The following WWOX variants were observed in gnomAD, a reference collection of about 807,000 sequenced individuals.
WWOX encodes the protein WW domain-containing oxidoreductase.
In WWOX, 69 loss-of-function variants were observed where a neutral mutation model predicts 46.2. The observed-to-expected ratio is 1.49, with a 90% CI of 1.23 to 1.82. The LOEUF is 1.82. Among genes scored for constraint, WWOX ranks in the 40% most tolerant of loss-of-function variants. WWOX has a pLI of 0.00. For synonymous variants in WWOX, 359 were observed against 202.6 expected, an observed-to-expected ratio of 1.77 and a Z score of -6.56; for missense variants, 919 against 542.6, an observed-to-expected ratio of 1.69 and a Z score of -6.89.
intron 5 of WWOX, among the ~76,000 whole-genome samples, chr16:78,356,567 C>T (rs1466059516): frequency 1.3e-5 from 2 of 152,072 alleles, no homozygotes; most frequent in African/African-American, 2.4e-5. Flanking sequence ...GAGAGGTGCA[C>T]TTTGAAAGAC....
intron 8 of WWOX, among the ~76,000 whole-genome samples, chr16:79,005,645 A>C (rs1170327442): frequency 1.3e-5 from 2 of 151,950 alleles, no homozygotes; most frequent in Non-Finnish European, 2.9e-5. Context: ...TTCCTTGTCC[A>C]TGTCTCTCTA....
At chr16:78,590,405 T>C (rs564322110) in intron 8 of WWOX, among the ~76,000 whole-genome samples, 12 of 152,302 alleles carry the variant, frequency 7.9e-5, no homozygotes, top group Admixed American at 3.3e-4. Flanking sequence ...ATGGTGGCAA[T>C]GGTCAAGAAG....
intron 5 of WWOX, chr16:78,270,177 A>G (rs997566051): frequency 1.3e-5 from 2 of 152,026 alleles, no homozygotes; most frequent in African/African-American, 2.4e-5. Context: ...AGGTAATGCT[A>G]GTTTTTGCAT....
intron 8 of WWOX, among the ~76,000 whole-genome samples, chr16:78,497,028 CAG>C (rs1426344126): frequency 6.6e-6 from 1 of 152,218 alleles, no homozygotes; most frequent in Non-Finnish European, 1.5e-5. Context: ...AAGGCAAAGT[CAG>C]AAATTATTCT....
intron 1 of WWOX, among the ~76,000 whole-genome samples, chr16:78,102,274 A>G (rs1236983955): frequency 6.6e-6 from 1 of 152,098 alleles, no homozygotes; most frequent in African/African-American, 2.4e-5. Context: ...GGTAGAGGGA[A>G]CAGTGAGAGG....
chr16:78,128,559 T>C (rs988903142), intron 4 of WWOX, among the ~76,000 whole-genome samples: 5 of 152,218 alleles, frequency 3.3e-5, no homozygotes, highest in Non-Finnish European at 5.9e-5. Context: ...AGCACGAATT[T>C]AGATACTGAT....
chr16:78,902,824 G>T (rs1199653440), intron 8 of WWOX, among the ~76,000 whole-genome samples: 1 of 152,090 alleles, frequency 6.6e-6, no homozygotes, highest in East Asian at 1.9e-4. Flanking sequence ...AGCCTTAGTG[G>T]GCCTGGTTTT....
chr16:78,591,079 G>A (rs2045339801), intron 8 of WWOX, among the ~76,000 whole-genome samples: 1 of 152,140 alleles, frequency 6.6e-6, no homozygotes, highest in Admixed American at 6.5e-5. Context: ...GGTGGTGAGA[G>A]GTGACATGCC....
At chr16:79,069,414 A>T (rs1395904540) in intron 8 of WWOX, among the ~76,000 whole-genome samples, 1 of 152,144 alleles carries the variant, frequency 6.6e-6, no homozygotes, top group Non-Finnish European at 1.5e-5. Flanking sequence ...TTTTTGTTAA[A>T]CTGTGGTTTA....
chr16:78,398,645 A>G (rs1296068384), intron 6 of WWOX, among the ~76,000 whole-genome samples: 1 of 152,224 alleles, frequency 6.6e-6, no homozygotes, highest in African/African-American at 2.4e-5. Flanking sequence ...TGAGCTCCAG[A>G]GGAGCAGAAA....
intron 5 of WWOX, among the ~76,000 whole-genome samples, chr16:78,326,855 C>G (rs1050995437): frequency 6.6e-6 from 1 of 152,032 alleles, no homozygotes; most frequent in Non-Finnish European, 1.5e-5. Flanking sequence ...AGCTCAGTAT[C>G]TGGGGCTTTT....
intron 6 of WWOX, among the ~76,000 whole-genome samples, chr16:78,408,201 C>G (rs1444243591): frequency 6.6e-6 from 1 of 152,216 alleles, no homozygotes; most frequent in Non-Finnish European, 1.5e-5. Context: ...TTGGTGCACT[C>G]TTCTGATTGA....
intron 8 of WWOX, 141 bp from the exon 9 acceptor site, chr16:79,211,467 C>A: frequency 9.7e-7 from 1 of 1,033,348 alleles, no homozygotes; most frequent in African/African-American, 1.6e-5. Flanking sequence ...TGCTTTCAGC[C>A]CAGTACCCTT....
chr16:78,166,496 C>CAT (rs2034977138), intron 5 of WWOX, among the ~76,000 whole-genome samples: 1 of 152,128 alleles, frequency 6.6e-6, no homozygotes, highest in South Asian at 2.1e-4. Context: ...ATTCAAAGGG[C>CAT]ATATGCATTT....
chr16:78,357,809 C>T (rs1355982100), intron 5 of WWOX, among the ~76,000 whole-genome samples: 1 of 152,164 alleles, frequency 6.6e-6, no homozygotes, highest in Non-Finnish European at 1.5e-5. Flanking sequence ...TTCACCCGAT[C>T]CCTGGGAGTT....
At chr16:78,548,021 G>T (rs1022330024) in intron 8 of WWOX, among the ~76,000 whole-genome samples, 2 of 151,868 alleles carry the variant, frequency 1.3e-5, no homozygotes, top group African/African-American at 4.8e-5. Context: ...CGGGTGTGGT[G>T]GTGAATGCCT....
At chr16:78,682,764 C>T (rs28533957) in intron 8 of WWOX, among the ~76,000 whole-genome samples, 5 of 152,112 alleles carry the variant, frequency 3.3e-5, no homozygotes, top group African/African-American at 7.2e-5. Flanking sequence ...CTCCCCTTCA[C>T]GGTAATTTGG....
At chr16:78,983,262 A>C (rs186255842) in intron 8 of WWOX, among the ~76,000 whole-genome samples, 1 of 152,306 alleles carries the variant, frequency 6.6e-6, no homozygotes, top group East Asian at 1.9e-4. Context: ...ACCTAAGCTG[A>C]AGAAAGGAAG....
At chr16:78,888,880 G>A (rs552429228) in intron 8 of WWOX, among the ~76,000 whole-genome samples, 7 of 151,706 alleles carry the variant, frequency 4.6e-5, no homozygotes, top group Non-Finnish European at 1.0e-4. Flanking sequence ...CTGTTTACTC[G>A]ATCTAATTTC....
Sources: gnomAD v4.1 joint callset for allele counts (sites outside exome capture counted in the v4.1 genomes callset) on GRCh38, gnomAD v4.1.1 for gene constraint, MANE v1.5 for transcripts, NCBI Gene and HGNC (gene_info 2026-07-23, HGNC 2026-07-21) for gene names.